The following PCDH17 variants were observed in gnomAD, a reference collection of about 807,000 sequenced individuals.
The protein encoded by PCDH17 is protocadherin 17.
A neutral mutation model predicts 67.7 loss-of-function variants in PCDH17; 21 were observed. The observed-to-expected ratio is 0.31, with a 90% CI of 0.22 to 0.45. The LOEUF (loss-of-function observed/expected upper bound fraction) is 0.45. Ranked by LOEUF, PCDH17 falls within the 20% of genes least tolerant of loss-of-function variation. The probability of loss-of-function intolerance (pLI) is 1.00; values close to 1 mark genes in which losing one functional copy is unlikely to be tolerated. For synonymous variants in PCDH17, 701 were observed against 656.7 expected (o/e 1.07, Z -1.03); for missense variants, 1,471 against 1,564.8 (o/e 0.94, Z 1.01).
intron 3 of PCDH17, among the ~76,000 whole-genome samples, chr13:57,714,007 C>T (rs988647649): frequency 6.6e-6 from 1 of 151,678 alleles, no homozygotes; most frequent in East Asian, 1.9e-4. Context: ...AGACCTATCC[C>T]AAGTAGAAAT....
chr13:57,635,163 C>G (rs1231516464), intron 1 of PCDH17, 52 bp downstream of exon 1: 4 of 1,590,678 alleles, frequency 2.5e-6, no homozygotes, highest in Admixed American at 1.7e-5. Context: ...GGTTTTGGAG[C>G]TGTCCTGAAA....
intron 3 of PCDH17, among the ~76,000 whole-genome samples, chr13:57,683,105 G>A (rs531897787): frequency 1.1e-4 from 16 of 151,890 alleles, no homozygotes; most frequent in Non-Finnish European, 1.9e-4. Flanking sequence ...TAATTTCATA[G>A]GTATTTTTAT....
chr13:57,696,359 A>C (rs1268809032), intron 3 of PCDH17, among the ~76,000 whole-genome samples: 1 of 151,436 alleles, frequency 6.6e-6, no homozygotes, highest in Admixed American at 6.6e-5. Context: ...TGTTCAAAAA[A>C]AGTGGGTTTT....
intron 1 of PCDH17, among the ~76,000 whole-genome samples, chr13:57,636,155 C>G (rs1954820376): frequency 6.6e-6 from 1 of 152,080 alleles, no homozygotes; most frequent in African/African-American, 2.4e-5. Flanking sequence ...TAGTCATTGT[C>G]TTGTTTCTTT....
intron 1 of PCDH17, among the ~76,000 whole-genome samples, chr13:57,640,285 T>C (rs186789757): frequency 8.7e-4 from 132 of 152,104 alleles, no homozygotes; most frequent in African/African-American, 3.0e-3. Flanking sequence ...AGAAAAAATA[T>C]ATTTAAGATT....
At chr13:57,721,690 C>CA (rs1266930171) in intron 3 of PCDH17, among the ~76,000 whole-genome samples, 1 of 152,052 alleles carries the variant, frequency 6.6e-6, no homozygotes, top group East Asian at 1.9e-4. Flanking sequence ...TCTCCCTCCA[C>CA]ACTACACTCT....
chr13:57,669,326 A>C (rs1439126146), intron 3 of PCDH17, among the ~76,000 whole-genome samples: 1 of 151,980 alleles, frequency 6.6e-6, no homozygotes, highest in African/African-American at 2.4e-5. Flanking sequence ...TTAAGTAATC[A>C]TATGGAACTA....
chr13:57,693,327 T>TC (rs1465140597), intron 3 of PCDH17, among the ~76,000 whole-genome samples: 1 of 140,538 alleles, frequency 7.1e-6, no homozygotes, highest in Non-Finnish European at 1.6e-5. Context: ...TATATATATA[T>TC]ATATATATAT....
chr13:57,648,115 C>T (rs561023534), intron 1 of PCDH17, among the ~76,000 whole-genome samples: 3 of 151,738 alleles, frequency 2.0e-5, no homozygotes, highest in African/African-American at 4.8e-5. Flanking sequence ...TGTTATTTAA[C>T]GATATTACAG....
intron 3 of PCDH17, among the ~76,000 whole-genome samples, chr13:57,686,479 G>A (rs1490322491): frequency 6.6e-6 from 1 of 151,910 alleles, no homozygotes; most frequent in Non-Finnish European, 1.5e-5. Context: ...TTGTAGGAGA[G>A]CAAAGATGAT....
At chr13:57,661,263 ATCTC>A (rs1374616643) in intron 1 of PCDH17, among the ~76,000 whole-genome samples, 4 of 152,166 alleles carry the variant, frequency 2.6e-5, no homozygotes, top group Admixed American at 6.6e-5. Flanking sequence ...CTTATAGTAA[ATCTC>A]TCTTCATGTG....
chr13:57,651,425 G>A (rs1222251442), intron 1 of PCDH17, among the ~76,000 whole-genome samples: 3 of 138,650 alleles, frequency 2.2e-5, no homozygotes, highest in Admixed American at 7.8e-5. Flanking sequence ...GCAGTGGCAC[G>A]ATCTCGGCTC....
Position 57,634,615 on chromosome 13 carries a change from AG to A in PCDH17, c.2074del (p.Val692TyrfsTer4). ...IIRSVSGSLP[E>X]GVPRVNGEQH... ...CGCTCGGTGAGCGGATCCCTTCCCGAGGGGGTACCACGGGTGAATGGCGAGC... is the reference window on the plus strand; with the variant it reads ...CGCTCGGTGAGCGGATCCCTTCCCGAGGGGTACCACGGGTGAATGGCGAGC... On this transcript the variant is annotated frameshift_variant, in exon 1 of 4. Transcript: ENST00000377918. LOFTEE classifies it high-confidence loss of function. The surrounding 1 kb of genome is among the most constrained non-coding windows in gnomAD (Gnocchi z 7.8). 6.2e-7 allele frequency: 1 copy of A among 1,613,264 alleles called. No individual in the cohort carries two copies. The highest frequency in any genetic ancestry group is 8.5e-7 in the Non-Finnish European group (1 of 1,179,970).
chr13:57,641,575 AAAAAAAAAAAAAATATATATATATAT>A (rs1191491302), intron 1 of PCDH17, among the ~76,000 whole-genome samples: 1 of 76,604 alleles, frequency 1.3e-5, no homozygotes, highest in Non-Finnish European at 2.5e-5. Context: ...AAAAAAAAAA[AAAAAAAAAAAAAATATATATATATAT>A]ATATATATAT....
At chr13:57,647,739 T>C (rs1954982444) in intron 1 of PCDH17, among the ~76,000 whole-genome samples, 2 of 151,872 alleles carry the variant, frequency 1.3e-5, no homozygotes, top group African/African-American at 4.8e-5. Context: ...TGATTTTCTT[T>C]TATATAAAAG....
At chr13:57,692,448 T>C (rs1955567947) in intron 3 of PCDH17, among the ~76,000 whole-genome samples, 1 of 151,406 alleles carries the variant, frequency 6.6e-6, no homozygotes, top group Non-Finnish European at 1.5e-5. Flanking sequence ...GAAATAAGAC[T>C]TTTAAAGCTT....
chr13:57,696,268 T>G (rs1395300877), intron 3 of PCDH17, among the ~76,000 whole-genome samples: 1 of 151,488 alleles, frequency 6.6e-6, no homozygotes, highest in East Asian at 1.9e-4. Flanking sequence ...GTATCTTGAC[T>G]AGAATAGAAA....
At chr13:57,662,893 T>C (rs1459755118) in intron 1 of PCDH17, among the ~76,000 whole-genome samples, 1 of 152,092 alleles carries the variant, frequency 6.6e-6, no homozygotes. Context: ...TTCCTGTTTA[T>C]TTTCTCCACA....
chr13:57,705,476 A>G (rs2138081442), intron 3 of PCDH17, among the ~76,000 whole-genome samples: 1 of 152,278 alleles, frequency 6.6e-6, no homozygotes, highest in Middle Eastern at 3.4e-3. Flanking sequence ...ATATTTACAA[A>G]TATAAAGACA....
Sources: allele counts gnomAD v4.1 joint callset (sites outside exome capture counted in the v4.1 genomes callset), GRCh38; gene constraint gnomAD v4.1.1; non-coding constraint Gnocchi (gnomAD v3.1); transcripts MANE v1.5; gene names NCBI Gene and HGNC (gene_info 2026-07-23, HGNC 2026-07-21).